ZNRF1: variants seen among roughly 807,000 people sequenced by gnomAD.
The protein encoded by ZNRF1 is zinc and ring finger 1, also known as E3 ubiquitin-protein ligase ZNRF1.
ZNRF1 carries 3 observed loss-of-function variants against 18.4 expected under a neutral mutation model. The observed-to-expected ratio is 0.16, with a 90% CI of 0.07 to 0.42. ZNRF1 has a LOEUF of 0.42. Among genes scored for constraint, ZNRF1 ranks in the 10% least tolerant of loss-of-function variants. The pLI is 0.99. For missense variants in ZNRF1, 310 were observed against 329.8 expected, an observed-to-expected ratio of 0.94 and a Z score of 0.47; for synonymous variants, 157 against 144.2, an observed-to-expected ratio of 1.09 and a Z score of -0.64.
intron 2 of ZNRF1, among the ~76,000 whole-genome samples, chr16:75,098,640 C>G (rs2036225014): frequency 6.6e-6 from 1 of 152,236 alleles, no homozygotes; most frequent in Admixed American, 6.5e-5. Context: ...AGGCACTCCA[C>G]CGCACCTAGG....
intron 1 of ZNRF1, among the ~76,000 whole-genome samples, chr16:75,012,554 C>T (rs895540221): frequency 3.9e-5 from 6 of 152,112 alleles, no homozygotes; most frequent in African/African-American, 1.2e-4. Flanking sequence ...TTTAGAGTGG[C>T]GCCCAGAGGA....
chr16:75,092,411 C>T (rs1044376508), intron 1 of ZNRF1, among the ~76,000 whole-genome samples: 11 of 152,020 alleles, frequency 7.2e-5, no homozygotes, highest in African/African-American at 2.4e-4. Context: ...CCAGGCTGGG[C>T]GGGCAGGAAT....
chr16:75,083,187 G>A (rs1014640100), intron 1 of ZNRF1, among the ~76,000 whole-genome samples: 1 of 152,086 alleles, frequency 6.6e-6, no homozygotes, highest in Admixed American at 6.6e-5. Context: ...GAATTTCCTC[G>A]AATGGACAGA....
At chr16:75,010,401 A>C (rs2034979332) in intron 1 of ZNRF1, among the ~76,000 whole-genome samples, 1 of 152,204 alleles carries the variant, frequency 6.6e-6, no homozygotes, top group African/African-American at 2.4e-5. Flanking sequence ...ATAAGTAATA[A>C]ATCTGTGTTA....
chr16:75,108,627 A>T lies in ZNRF1; in HGVS notation c.*927A>T, dbSNP rs936587155. ...ACAAAAAAAAACTTATAAAATGTTT[A>T]AAAAAATGTTCAAAGCTTGGGAGAA... On this transcript the variant is annotated 3_prime_UTR_variant, in exon 5 of 5. Transcript: ENST00000335325. The T allele has an allele frequency of 1.3e-4, 50 of 398,742 alleles. 1 individual carries two copies. In the East Asian group the frequency reaches 1.5e-3, roughly 12 times the overall value. The allele number at this position is 398,742 out of a possible 1,614,324, so 24.7% of individuals were successfully genotyped here.
At chr16:75,027,074 C>A (rs1201756067) in intron 1 of ZNRF1, among the ~76,000 whole-genome samples, 10 of 152,080 alleles carry the variant, frequency 6.6e-5, no homozygotes, top group Middle Eastern at 3.4e-3. Context: ...CAAGACCCAG[C>A]GGTTAGGGAA....
Position 75,108,491 on chromosome 16 carries a change from T to C in ZNRF1, c.*791T>C, listed in dbSNP as rs551447210. The C allele has an allele frequency of 2.5e-6, 1 of 398,708 alleles. No homozygotes were observed. The highest frequency in any genetic ancestry group is 3.6e-5 in the East Asian group (1 of 28,062). 24.7% of individuals were successfully genotyped at this position (398,708 alleles called of 1,614,324 possible). On this transcript the variant is annotated 3_prime_UTR_variant, in exon 5 of 5. Coordinates refer to ENST00000335325, the MANE Select transcript of ZNRF1 (RefSeq NM_032268.5). ...ACAAAAAAAGACTTACTAAGAAATA[T>C]GTACAGCTACCCCTGTTTTCAGGCA...
intron 1 of ZNRF1, among the ~76,000 whole-genome samples, chr16:75,012,555 G>C (rs1378903854): frequency 6.6e-6 from 1 of 152,168 alleles, no homozygotes; most frequent in Non-Finnish European, 1.5e-5. Flanking sequence ...TTAGAGTGGC[G>C]CCCAGAGGAG....
intron 1 of ZNRF1, among the ~76,000 whole-genome samples, chr16:75,015,773 C>T (rs1023419271): frequency 3.9e-5 from 6 of 152,022 alleles, no homozygotes; most frequent in African/African-American, 9.7e-5. Flanking sequence ...GGATAATAGA[C>T]GTGAGCCACA....
chr16:75,010,708 T>TTTG (rs1185361119), intron 1 of ZNRF1, among the ~76,000 whole-genome samples: 2 of 41,502 alleles, frequency 4.8e-5, no homozygotes, highest in East Asian at 1.1e-3. Context: ...ACTGTTTTTT[T>TTTG]TTGTTTTTTT....
intron 1 of ZNRF1, chr16:75,000,328 G>C (rs759299495): frequency 4.5e-5 from 32 of 710,244 alleles, no homozygotes; most frequent in South Asian, 2.4e-4. Context: ...CTTGTGGAAG[G>C]GCAGAGCGAA....
intron 2 of ZNRF1, 112 bp from the exon 3 acceptor site, chr16:75,104,672 G>A (rs1408478719): frequency 2.3e-6 from 2 of 869,852 alleles, no homozygotes; most frequent in Non-Finnish European, 3.6e-6. Flanking sequence ...TGCAGAGCCG[G>A]GCACAGCTTG....
intron 2 of ZNRF1, among the ~76,000 whole-genome samples, chr16:75,098,676 C>A (rs1180654352): frequency 1.3e-5 from 2 of 152,222 alleles, no homozygotes; most frequent in Non-Finnish European, 2.9e-5. Context: ...GGGGGTGGAA[C>A]CTGAGCCTGT....
intron 2 of ZNRF1, 190 bp from the exon 3 acceptor site, chr16:75,104,594 G>C: frequency 2.0e-6 from 1 of 493,852 alleles, no homozygotes; most frequent in South Asian, 2.7e-5. Context: ...ATTAACATGT[G>C]ATGTCCACGC....
intron 1 of ZNRF1, among the ~76,000 whole-genome samples, chr16:75,047,069 AT>A (rs1255356591): frequency 1.7e-4 from 26 of 152,266 alleles, no homozygotes; most frequent in African/African-American, 6.3e-4. Context: ...ATTAAAAAAA[AT>A]TAAGCATTAT....
At position 75,093,673 on chromosome 16, in the gene ZNRF1, G is replaced by T. The variant is rs1186092660; in HGVS notation, c.520+6G>T. On this transcript the variant is annotated splice_donor_region_variant and intron_variant, in intron 2 of 4. Coordinates refer to ENST00000335325, the MANE Select transcript of ZNRF1 (RefSeq NM_032268.5). ...ACCTCGCCTCTCCTACAACGGTAAG[G>T]GCTTGGCCTGCCTCACCAGCCTCCA... The T allele has an allele frequency of 8.1e-6, 13 of 1,612,348 alleles. No homozygotes were observed. The highest frequency in any genetic ancestry group is 1.1e-5 in the Non-Finnish European group (13 of 1,178,532).
At chr16:75,054,398 C>T (rs147687037) in intron 1 of ZNRF1, among the ~76,000 whole-genome samples, 6 of 152,226 alleles carry the variant, frequency 3.9e-5, no homozygotes, top group Non-Finnish European at 7.3e-5. Context: ...TGGCACCCTG[C>T]CAGTTCTGTC....
intron 1 of ZNRF1, among the ~76,000 whole-genome samples, chr16:75,041,539 C>CA (rs2145362370): frequency 6.7e-6 from 1 of 149,430 alleles, no homozygotes; most frequent in South Asian, 2.3e-4. Flanking sequence ...CCATGTTGGC[C>CA]AGGCTGGTCT....
intron 1 of ZNRF1, among the ~76,000 whole-genome samples, chr16:75,082,803 C>T (rs1393865944): frequency 6.6e-6 from 1 of 152,220 alleles, no homozygotes; most frequent in Admixed American, 6.5e-5. Context: ...ATCTACCTGC[C>T]TTGGCCTCCT....
Sources: allele counts gnomAD v4.1 joint callset (sites outside exome capture counted in the v4.1 genomes callset), GRCh38; gene constraint gnomAD v4.1.1; transcripts MANE v1.5; gene names NCBI Gene and HGNC (gene_info 2026-07-23, HGNC 2026-07-21).